DNM3: variants seen among roughly 807,000 people sequenced by gnomAD.
The protein encoded by DNM3 is dynamin 3, also known as dynamin-3.
In DNM3, 47 loss-of-function variants were observed where a neutral mutation model predicts 101.6. The ratio of observed to expected loss-of-function variants is 0.46; its 90% CI spans 0.37 to 0.59. The LOEUF (loss-of-function observed/expected upper bound fraction) is 0.59. DNM3 is among the 20% of genes least tolerant of loss of function. DNM3 has a pLI of 0.00. For synonymous variants in DNM3, 385 were observed against 387.9 expected (o/e 0.99, Z 0.09); for missense variants, 849 against 1,085.7 (o/e 0.78, Z 3.06).
intron 17 of DNM3, among the ~76,000 whole-genome samples, chr1:172,364,228 G>T (rs563609261): frequency 6.6e-6 from 1 of 151,818 alleles, no homozygotes; most frequent in African/African-American, 2.4e-5. Flanking sequence ...AATTATCTGT[G>T]CTTCAATAAA....
chr1:171,852,707 C>CTTAA (rs1244528266), intron 1 of DNM3, among the ~76,000 whole-genome samples: 1 of 152,168 alleles, frequency 6.6e-6, no homozygotes, highest in Non-Finnish European at 1.5e-5. Context: ...GGCAGATAGA[C>CTTAA]TTAAACTTAA....
intron 14 of DNM3, among the ~76,000 whole-genome samples, chr1:172,250,119 T>A (rs1253969393): frequency 2.6e-5 from 4 of 152,058 alleles, no homozygotes; most frequent in Non-Finnish European, 5.9e-5. Flanking sequence ...TAGTTTGAAA[T>A]GAATAGAATA....
intron 14 of DNM3, among the ~76,000 whole-genome samples, chr1:172,225,410 C>G (rs1247543254): frequency 6.6e-6 from 1 of 152,014 alleles, no homozygotes; most frequent in East Asian, 1.9e-4. Flanking sequence ...GCTGGGATTA[C>G]AGGCATGAGC....
chr1:171,883,502 C>G (rs1009976269), intron 1 of DNM3, among the ~76,000 whole-genome samples: 4 of 150,986 alleles, frequency 2.6e-5, no homozygotes, highest in Non-Finnish European at 5.9e-5. Flanking sequence ...GATGGAGTCT[C>G]ACTCTGTTGC....
At chr1:172,279,539 A>G (rs1021731646) in intron 15 of DNM3, among the ~76,000 whole-genome samples, 3 of 152,124 alleles carry the variant, frequency 2.0e-5, no homozygotes, top group Non-Finnish European at 4.4e-5. Context: ...GTACACATCC[A>G]ACTCTGATTA....
intron 1 of DNM3, among the ~76,000 whole-genome samples, chr1:171,846,824 T>G (rs2032182143): frequency 6.6e-6 from 1 of 152,236 alleles, no homozygotes; most frequent in South Asian, 2.1e-4. Context: ...AAATACATTT[T>G]ATAAAGTAGA....
At chr1:172,332,419 C>G (rs1463041587) in intron 17 of DNM3, among the ~76,000 whole-genome samples, 1 of 152,158 alleles carries the variant, frequency 6.6e-6, no homozygotes, top group Non-Finnish European at 1.5e-5. Context: ...AAGCAATTCT[C>G]CTGCCCCAGC....
chr1:172,029,078 A>T (rs1196101551), intron 4 of DNM3, among the ~76,000 whole-genome samples: 1 of 152,226 alleles, frequency 6.6e-6, no homozygotes, highest in Non-Finnish European at 1.5e-5. Flanking sequence ...CATCATCCTG[A>T]TACCAAAACC....
chr1:172,232,329 A>T (rs916187358), intron 14 of DNM3, among the ~76,000 whole-genome samples: 2 of 152,202 alleles, frequency 1.3e-5, no homozygotes, highest in Non-Finnish European at 2.9e-5. Context: ...ATTCAACAAG[A>T]AGAGCTAACT....
At chr1:171,971,082 C>T (rs187767066) in intron 2 of DNM3, among the ~76,000 whole-genome samples, 34 of 152,162 alleles carry the variant, frequency 2.2e-4, no homozygotes, top group Middle Eastern at 3.4e-3. Flanking sequence ...GGAATGCATT[C>T]TATCTCTTAC....
intron 14 of DNM3, among the ~76,000 whole-genome samples, chr1:172,184,206 C>T (rs1457229159): frequency 6.6e-6 from 1 of 151,946 alleles, no homozygotes; most frequent in African/African-American, 2.4e-5. Context: ...TCAAACAATC[C>T]CAGACACACT....
intron 2 of DNM3, among the ~76,000 whole-genome samples, chr1:171,944,080 C>A (rs2041991323): frequency 6.6e-6 from 1 of 152,168 alleles, no homozygotes; most frequent in Non-Finnish European, 1.5e-5. Flanking sequence ...GTTGCAGCTA[C>A]TCAACTCTGC....
At chr1:172,320,283 A>C (rs1009254074) in intron 16 of DNM3, among the ~76,000 whole-genome samples, 5 of 151,836 alleles carry the variant, frequency 3.3e-5, no homozygotes, top group African/African-American at 9.7e-5. Context: ...GCTAATGCTA[A>C]ATGACGAGTT....
chr1:172,329,746 A>G (rs2066102138), intron 17 of DNM3, among the ~76,000 whole-genome samples: 1 of 152,214 alleles, frequency 6.6e-6, no homozygotes, highest in South Asian at 2.1e-4. Flanking sequence ...TATTCAGTTT[A>G]TTAAAAAAGC....
intron 1 of DNM3, among the ~76,000 whole-genome samples, chr1:171,915,097 T>C (rs1271293557): frequency 6.6e-6 from 1 of 152,242 alleles, no homozygotes; most frequent in Admixed American, 6.5e-5. Context: ...CTCCAGTGTC[T>C]AAGGCTTCAT....
intron 2 of DNM3, among the ~76,000 whole-genome samples, chr1:171,972,986 A>G (rs1201332569): frequency 6.6e-6 from 1 of 152,250 alleles, no homozygotes; most frequent in African/African-American, 2.4e-5. Flanking sequence ...GTAAGTTAGT[A>G]CATTTTTATG....
At chr1:172,111,931 A>G (rs564362702) in intron 13 of DNM3, among the ~76,000 whole-genome samples, 2 of 152,284 alleles carry the variant, frequency 1.3e-5, no homozygotes, top group East Asian at 1.9e-4. Flanking sequence ...GATGATGTCC[A>G]TATTGCATAC....
At chr1:172,050,358 T>C (rs1432367563) in intron 10 of DNM3, among the ~76,000 whole-genome samples, 1 of 152,212 alleles carries the variant, frequency 6.6e-6, no homozygotes, top group Non-Finnish European at 1.5e-5. Flanking sequence ...AGGTTGTCCA[T>C]GTCTCTTACT....
At chr1:172,152,444 T>G (rs1188986454) in intron 14 of DNM3, among the ~76,000 whole-genome samples, 1 of 152,098 alleles carries the variant, frequency 6.6e-6, no homozygotes, top group African/African-American at 2.4e-5. Flanking sequence ...CAACCTTAAT[T>G]TTAGTTCTAT....
Sources: allele counts gnomAD v4.1 joint callset (sites outside exome capture counted in the v4.1 genomes callset), GRCh38; gene constraint gnomAD v4.1.1; transcripts MANE v1.5; gene names NCBI Gene and HGNC (gene_info 2026-07-23, HGNC 2026-07-21).